Variants in PTPRM observed in about 807,000 individuals in gnomAD.
The protein encoded by PTPRM is receptor-type tyrosine-protein phosphatase mu.
Under a neutral mutation model 186.7 loss-of-function variants are expected in PTPRM, and 47 were observed. That is an observed-to-expected ratio of 0.25 (90% CI 0.20 to 0.32). The LOEUF is 0.32. Among genes scored for constraint, PTPRM ranks in the 10% least tolerant of loss-of-function variants. The probability of loss-of-function intolerance (pLI) is 1.00; values close to 1 mark genes in which losing one functional copy is unlikely to be tolerated. For synonymous variants in PTPRM, 668 were observed against 674.9 expected (o/e 0.99, Z 0.16); for missense variants, 1,494 against 1,865.0 (o/e 0.80, Z 3.66).
intron 2 of PTPRM, among the ~76,000 whole-genome samples, chr18:7,836,768 T>C (rs1799835579): frequency 6.6e-6 from 1 of 152,240 alleles, no homozygotes; most frequent in South Asian, 2.1e-4. Context: ...CATATTCTTC[T>C]AGGATAAAAG....
chr18:8,347,553 A>G (rs1449049448), intron 23 of PTPRM, among the ~76,000 whole-genome samples: 1 of 152,246 alleles, frequency 6.6e-6, no homozygotes, highest in African/African-American at 2.4e-5. Flanking sequence ...ACCTGGGTTT[A>G]GAAAAGGAAT....
intron 2 of PTPRM, among the ~76,000 whole-genome samples, chr18:7,832,166 G>A (rs913600861): frequency 2.0e-5 from 3 of 152,156 alleles, no homozygotes; most frequent in Admixed American, 2.0e-4. Context: ...TGGATCCTAT[G>A]GTAGCTGTAA....
At chr18:7,735,582 C>T (rs1359851711) in intron 1 of PTPRM, among the ~76,000 whole-genome samples, 1 of 137,974 alleles carries the variant, frequency 7.2e-6, no homozygotes, top group African/African-American at 3.2e-5. Context: ...TCTAAATATA[C>T]CTAAAAAATA....
chr18:8,158,545 A>G (rs1463454015), intron 14 of PTPRM, among the ~76,000 whole-genome samples: 2 of 152,218 alleles, frequency 1.3e-5, no homozygotes, highest in Non-Finnish European at 2.9e-5. Context: ...GGAAAGAAAT[A>G]TATGCATTAA....
In PTPRM at chr18:7,983,382, A is replaced by G. The variant is rs144125172; in HGVS notation, c.1132+27968A>G. Among the ~76,000 whole-genome samples, 1,208 of 152,214 alleles carry G rather than the reference A, an allele frequency of 7.9e-3. 20 individuals are homozygous for G. The highest frequency in any genetic ancestry group is 0.027 in the African/African-American group (1,134 of 41,554). On this transcript the variant is annotated intron_variant, in intron 7 of 32. Transcript: ENST00000580170. Reference sequence around the variant, plus strand: ...CTGGTTAGTGGGAAAATTGTCTTCTACAACACTGGTCCCTGGTGCCAAAAA... The same window carrying G: ...CTGGTTAGTGGGAAAATTGTCTTCTGCAACACTGGTCCCTGGTGCCAAAAA...
At chr18:7,795,813 T>C (rs2043606577) in intron 2 of PTPRM, among the ~76,000 whole-genome samples, 1 of 145,936 alleles carries the variant, frequency 6.9e-6, no homozygotes. Flanking sequence ...TTTCTTTCTT[T>C]TTTTTTTTTT....
intron 11 of PTPRM, among the ~76,000 whole-genome samples, chr18:8,097,190 T>A (rs756846890): frequency 1.7e-4 from 26 of 152,370 alleles, no homozygotes; most frequent in Non-Finnish European, 1.9e-4. Context: ...AACTATTTTT[T>A]AAGTATATTA....
intron 1 of PTPRM, among the ~76,000 whole-genome samples, chr18:7,587,682 A>G (rs1464027469): frequency 6.6e-6 from 1 of 152,154 alleles, no homozygotes; most frequent in Non-Finnish European, 1.5e-5. Context: ...GAAAACAAAA[A>G]TAATATTAGT....
chr18:7,927,449 A>G (rs1312838540), intron 5 of PTPRM, among the ~76,000 whole-genome samples: 1 of 146,502 alleles, frequency 6.8e-6, no homozygotes, highest in African/African-American at 2.5e-5. Flanking sequence ...TTTTGTCCTT[A>G]TCTTTCCGTG....
chr18:7,898,750 T>C (rs2049503963), intron 3 of PTPRM, among the ~76,000 whole-genome samples: 1 of 152,170 alleles, frequency 6.6e-6, no homozygotes, highest in Non-Finnish European at 1.5e-5. Flanking sequence ...GGGCTGCAAA[T>C]ATCTGGGCGT....
intron 20 of PTPRM, among the ~76,000 whole-genome samples, chr18:8,304,669 C>T (rs2095200233): frequency 6.6e-6 from 1 of 152,046 alleles, no homozygotes; most frequent in Admixed American, 6.6e-5. Flanking sequence ...TCTTTTTCTC[C>T]AATTCATACA....
chr18:8,390,883 G>A (rs1291305784), intron 31 of PTPRM, among the ~76,000 whole-genome samples: 1 of 151,568 alleles, frequency 6.6e-6, no homozygotes, highest in Non-Finnish European at 1.5e-5. Context: ...AGTCAAGATC[G>A]TGCCACTGCA....
At chr18:7,788,771 A>T (rs2043205205) in intron 2 of PTPRM, among the ~76,000 whole-genome samples, 1 of 152,218 alleles carries the variant, frequency 6.6e-6, no homozygotes, top group Admixed American at 6.5e-5. Context: ...ATGAGTCCTA[A>T]CAGAATTTGC....
chr18:8,250,058 A>G (rs954561178), intron 17 of PTPRM, among the ~76,000 whole-genome samples: 1 of 152,224 alleles, frequency 6.6e-6, no homozygotes, highest in African/African-American at 2.4e-5. Context: ...GGATAGTAGC[A>G]GTTATAATTT....
At chr18:8,135,035 A>T (rs186594077) in intron 13 of PTPRM, among the ~76,000 whole-genome samples, 11 of 152,322 alleles carry the variant, frequency 7.2e-5, no homozygotes, top group Admixed American at 7.2e-4. Flanking sequence ...ATATTAAATA[A>T]AAATTATATA....
At chr18:7,903,642 A>G (rs2049820946) in intron 3 of PTPRM, among the ~76,000 whole-genome samples, 1 of 152,208 alleles carries the variant, frequency 6.6e-6, no homozygotes. Flanking sequence ...TGTCAGTGGA[A>G]ACTATTTATT....
intron 7 of PTPRM, among the ~76,000 whole-genome samples, chr18:7,985,342 C>CAT (rs2082880670): frequency 6.4e-5 from 8 of 124,256 alleles, no homozygotes; most frequent in African/African-American, 2.5e-4. Context: ...ATTGTATATA[C>CAT]ACATAAATAT....
rs999024725 is a variant in PTPRM, at chr18:8,260,705, C to T, written c.2754+7291C>T. The stretch of plus-strand genomic sequence containing the variant: ...CCAGCATATCCTACAAAAAGCACTC[C>T]CAGAAAGCCACCTGCTCTCTGCAGA... On this transcript the variant is annotated intron_variant, in intron 19 of 32. Transcript: ENST00000580170. Among the ~76,000 whole-genome samples the T allele has an allele frequency of 2.6e-5, 4 of 152,172 alleles. No individual in the cohort carries two copies. In the East Asian group the frequency reaches 7.7e-4, roughly 29 times the overall value.
chr18:7,861,453 T>C (rs1156751107), intron 2 of PTPRM, among the ~76,000 whole-genome samples: 3 of 152,224 alleles, frequency 2.0e-5, no homozygotes, highest in Non-Finnish European at 4.4e-5. Context: ...AGCAGGACTT[T>C]GCAGGTGACA....
Sources: gnomAD v4.1 joint callset for allele counts (sites outside exome capture counted in the v4.1 genomes callset) on GRCh38, gnomAD v4.1.1 for gene constraint, MANE v1.5 for transcripts, NCBI Gene and HGNC (gene_info 2026-07-23, HGNC 2026-07-21) for gene names.